The following USH2A variants were observed in gnomAD, a reference collection of about 807,000 sequenced individuals.
The protein encoded by USH2A is Usher syndrome 2A (autosomal recessive, mild).
USH2A carries 443 observed loss-of-function variants against 538.9 expected under a neutral mutation model. The ratio of observed to expected loss-of-function variants is 0.82; its 90% confidence interval spans 0.76 to 0.89. The LOEUF (loss-of-function observed/expected upper bound fraction) is 0.89, where lower values mean the gene tolerates loss of function less well. Ranked by LOEUF, USH2A falls within the 40% of genes least tolerant of loss-of-function variation. The probability of loss-of-function intolerance (pLI) is 0.00; values close to 1 mark genes in which losing one functional copy is unlikely to be tolerated. For synonymous variants in USH2A, 2,413 were observed against 2,273.5 expected, an observed-to-expected ratio of 1.06 and a Z score of -1.75; for missense variants, 6,633 against 6,324.8, an observed-to-expected ratio of 1.05 and a Z score of -1.65.
intron 3 of USH2A, among the ~76,000 whole-genome samples, chr1:216,417,750 A>G (rs1322793494): frequency 4.6e-5 from 7 of 152,114 alleles, no homozygotes; most frequent in African/African-American, 1.7e-4. Context: ...TATAGCCCAC[A>G]GAACCATGAG....
At chr1:216,291,934 AAAC>A (rs774347249) in intron 10 of USH2A, among the ~76,000 whole-genome samples, 4 of 152,186 alleles carry the variant, frequency 2.6e-5, no homozygotes, top group African/African-American at 7.2e-5. Flanking sequence ...AAACAAAACA[AAAC>A]AACAACAACA....
In USH2A at chr1:215,625,724, G is replaced by T; in HGVS notation, c.*57C>A. 1 of 1,503,034 alleles carries T rather than the reference G, an allele frequency of 6.7e-7. No individual in the cohort carries two copies. The highest frequency in any genetic ancestry group is 9.3e-7 in the Non-Finnish European group (1 of 1,079,084). The allele number at this position is 1,503,034 out of a possible 1,614,324, so 93.1% of individuals were successfully genotyped here. On this transcript the variant is annotated 3_prime_UTR_variant, in exon 72 of 72. Coordinates refer to ENST00000307340, the MANE Select transcript of USH2A (RefSeq NM_206933.4). ...TTTATGATGTGTGAGTGATAACCCA[G>T]GAGGAAATGGGTGCAGACCTTGCAT...
chr1:216,101,180 T>C (rs535974866), intron 21 of USH2A, among the ~76,000 whole-genome samples: 25 of 152,344 alleles, frequency 1.6e-4, no homozygotes, highest in African/African-American at 5.5e-4. Flanking sequence ...TAGATATAGA[T>C]AAATTCTATC....
At chr1:216,316,622 T>A (rs2037514647) in intron 9 of USH2A, among the ~76,000 whole-genome samples, 1 of 152,210 alleles carries the variant, frequency 6.6e-6, no homozygotes, top group South Asian at 2.1e-4. Flanking sequence ...TATGTTCTGA[T>A]TAAGAGAAGT....
chr1:215,646,313 A>G (rs1056537906), intron 67 of USH2A, among the ~76,000 whole-genome samples: 1 of 150,782 alleles, frequency 6.6e-6, no homozygotes, highest in Non-Finnish European at 1.5e-5. Context: ...CCATATTTTC[A>G]TTTTCCACTG....
In USH2A at chr1:216,290,837, C is replaced by T. The variant is rs185935342; in HGVS notation, c.1840+1338G>A. ...TGGCACCAATGTTGAGCCTACTGCTCAAGCTAGAATGTAATGTTAGGTATC... is the reference window on the plus strand; with the variant it reads ...TGGCACCAATGTTGAGCCTACTGCTTAAGCTAGAATGTAATGTTAGGTATC... On this transcript the variant is annotated intron_variant, in intron 10 of 71. Transcript: ENST00000307340. 3.3e-4 allele frequency among the ~76,000 whole-genome samples: 50 copies of T among 152,248 alleles called. No individual in the cohort carries two copies. The South Asian group carries it at 3.7e-3, about 11-fold the overall frequency.
At chr1:216,348,590 A>G (rs976489812) in intron 4 of USH2A, among the ~76,000 whole-genome samples, 4 of 152,124 alleles carry the variant, frequency 2.6e-5, no homozygotes, top group Non-Finnish European at 5.9e-5. Context: ...GCCAATTTTA[A>G]AATCCTATGT....
intron 55 of USH2A, among the ~76,000 whole-genome samples, chr1:215,778,960 G>A (rs930887071): frequency 2.0e-5 from 3 of 152,320 alleles, no homozygotes; most frequent in African/African-American, 7.2e-5. Flanking sequence ...CACATATTAA[G>A]TTCCCTTCTT....
At chr1:216,121,171 T>C (rs1306947796) in intron 21 of USH2A, among the ~76,000 whole-genome samples, 2 of 152,172 alleles carry the variant, frequency 1.3e-5, no homozygotes, top group Non-Finnish European at 2.9e-5. Flanking sequence ...AAATGTGTAA[T>C]GTATTGGTCA....
At chr1:216,072,834 C>T (rs1253334203) in intron 29 of USH2A, 55 bp downstream of exon 29, 41 of 1,497,010 alleles carry the variant, frequency 2.7e-5, no homozygotes, top group Non-Finnish European at 3.7e-5. Context: ...TATATAAATG[C>T]ACAAATACAT....
At chr1:215,868,224 T>C (rs1664532023) in intron 43 of USH2A, among the ~76,000 whole-genome samples, 1 of 152,172 alleles carries the variant, frequency 6.6e-6, no homozygotes, top group African/African-American at 2.4e-5. Flanking sequence ...CATGGGTGGG[T>C]AGGTGCCATT....
chr1:215,683,811 C>T (rs1179358265), intron 61 of USH2A, among the ~76,000 whole-genome samples: 1 of 152,002 alleles, frequency 6.6e-6, no homozygotes, highest in Non-Finnish European at 1.5e-5. Flanking sequence ...CCCTTTATTG[C>T]CATTATTTTG....
chr1:215,812,445 T>C (rs1662723266), intron 49 of USH2A, among the ~76,000 whole-genome samples: 1 of 152,196 alleles, frequency 6.6e-6, no homozygotes. Flanking sequence ...CATCAGGTGA[T>C]TGCACGCCTT....
intron 69 of USH2A, among the ~76,000 whole-genome samples, chr1:215,637,570 C>T (rs1164437979): frequency 1.3e-5 from 2 of 152,124 alleles, no homozygotes; most frequent in African/African-American, 4.8e-5. Context: ...TAACAGAATA[C>T]TAAATGAGAT....
At chr1:215,753,482 T>TA (rs1011595839) in intron 58 of USH2A, among the ~76,000 whole-genome samples, 1 of 152,080 alleles carries the variant, frequency 6.6e-6, no homozygotes, top group Non-Finnish European at 1.5e-5. Flanking sequence ...TATGCAGCCA[T>TA]AAAAAATGAT....
chr1:216,385,529 G>C (rs1032828139), intron 3 of USH2A, among the ~76,000 whole-genome samples: 17 of 152,204 alleles, frequency 1.1e-4, no homozygotes, highest in African/African-American at 3.6e-4. Context: ...AGAATTATTA[G>C]AGCCTGTAAG....
intron 21 of USH2A, chr1:216,174,079 T>C: frequency 1.0e-6 from 1 of 985,228 alleles, no homozygotes; most frequent in African/African-American, 1.7e-5. Flanking sequence ...ATATCTCAGT[T>C]AGAATATAAT....
At chr1:216,323,449 T>C (rs543080781) in intron 8 of USH2A, 25 bp downstream of exon 8, 2 of 1,612,114 alleles carry the variant, frequency 1.2e-6, no homozygotes, top group African/African-American at 1.3e-5. Flanking sequence ...AAAAACCTTG[T>C]TGAAAACAAA....
intron 24 of USH2A, 123 bp downstream of exon 24, chr1:216,086,596 G>C (rs1228273179): frequency 1.2e-6 from 1 of 809,176 alleles, no homozygotes; most frequent in African/African-American, 1.8e-5. Context: ...GAAATTTTTG[G>C]CACATTAATA....
Sources: gnomAD v4.1 joint callset for allele counts (sites outside exome capture counted in the v4.1 genomes callset) on GRCh38, gnomAD v4.1.1 for gene constraint, MANE v1.5 for transcripts, NCBI Gene and HGNC (gene_info 2026-07-23, HGNC 2026-07-21) for gene names.